MSRA: variants seen among roughly 807,000 people sequenced by gnomAD.
MSRA encodes the protein mitochondrial peptide methionine sulfoxide reductase.
A neutral mutation model predicts 31.3 loss-of-function variants in MSRA; 54 were observed. The observed-to-expected ratio is 1.73, with a 90% CI of 1.39 to 2.17. MSRA has a LOEUF of 2.17. Ranked by LOEUF, MSRA falls within the 30% of genes most tolerant of loss-of-function variation. MSRA has a pLI of 0.00. For synonymous variants in MSRA, 169 were observed against 116.5 expected (o/e 1.45, Z -2.90); for missense variants, 507 against 300.9 (o/e 1.69, Z -5.07).
At chr8:10,064,513 G>T (rs549759885) in intron 1 of MSRA, among the ~76,000 whole-genome samples, 23 of 152,242 alleles carry the variant, frequency 1.5e-4, no homozygotes, top group African/African-American at 4.1e-4. Flanking sequence ...TACAGCGAAG[G>T]CTAGTAATAA....
chr8:10,369,304 C>T (rs376008849), intron 5 of MSRA, among the ~76,000 whole-genome samples: 1 of 151,122 alleles, frequency 6.6e-6, no homozygotes, highest in Non-Finnish European at 1.5e-5. Flanking sequence ...AAGAAATAAT[C>T]TATTCATCCA....
rs534642712 is a variant in MSRA, at chr8:10,074,058, C to CTTTTTTTTTTTTT, written c.142+19428_142+19440dup. 1.2e-3 allele frequency among the ~76,000 whole-genome samples: 36 copies of CTTTTTTTTTTTTT among 29,452 alleles called. 9 individuals carry two copies. The highest frequency in any genetic ancestry group is 1.7e-3 in the East Asian group (1 of 588). The allele number at this position is 29,452 out of a possible 152,430, so 19.3% of individuals were successfully genotyped here. On this transcript the variant is annotated intron_variant, in intron 1 of 5. Transcript: ENST00000317173. ...CATTTTGTTTTGTCTAAGGGAGGTG[C>CTTTTTTTTTTTTT]TTTTTTTTTTTTTTTTTTTTTTTTT...
At chr8:10,201,328 A>T (rs759179941) in intron 1 of MSRA, among the ~76,000 whole-genome samples, 6 of 152,028 alleles carry the variant, frequency 3.9e-5, no homozygotes, top group Non-Finnish European at 8.8e-5. Context: ...GTACTTCTTG[A>T]TGACCGGCAG....
chr8:10,203,888 A>G (rs1030404269), intron 1 of MSRA, among the ~76,000 whole-genome samples: 1 of 152,232 alleles, frequency 6.6e-6, no homozygotes, highest in Non-Finnish European at 1.5e-5. Context: ...AGTGATATTA[A>G]TGATTCTGAT....
intron 1 of MSRA, among the ~76,000 whole-genome samples, chr8:10,055,072 A>C (rs547356217): frequency 6.6e-6 from 1 of 152,324 alleles, no homozygotes; most frequent in South Asian, 2.1e-4. Flanking sequence ...GGGCACCTGC[A>C]GCGGGGCTGG....
chr8:10,122,642 C>G (rs1460131052), intron 1 of MSRA, among the ~76,000 whole-genome samples: 2 of 151,884 alleles, frequency 1.3e-5, no homozygotes, highest in East Asian at 3.9e-4. Flanking sequence ...GGATACCAAG[C>G]CTAGCACCCC....
Position 10,428,457 on chromosome 8 carries a change from C to A in MSRA, c.*145C>A. ...CAGATTGGGTTTACCGAAGTATAAT[C>A]TATAGGAGGCGCGATGGCAAGTTGA... is the stretch of plus-strand genomic sequence containing the variant. On this transcript the variant is annotated 3_prime_UTR_variant, in exon 6 of 6. Coordinates refer to ENST00000317173, the MANE Select transcript of MSRA (RefSeq NM_012331.5). 7.1e-6 allele frequency: 6 copies of A among 842,936 alleles called. No homozygotes were observed. The highest frequency in any genetic ancestry group is 9.1e-6 in the Non-Finnish European group (5 of 546,696). 52.2% of individuals were successfully genotyped at this position (842,936 alleles called of 1,614,324 possible).
chr8:10,367,813 G>A (rs1404942694), intron 5 of MSRA, among the ~76,000 whole-genome samples: 1 of 152,186 alleles, frequency 6.6e-6, no homozygotes, highest in Non-Finnish European at 1.5e-5. Context: ...TCTGGAAGAG[G>A]GTAACTGGGA....
intron 1 of MSRA, among the ~76,000 whole-genome samples, chr8:10,171,009 G>C (rs575715935): frequency 6.2e-4 from 94 of 152,316 alleles, no homozygotes; most frequent in African/African-American, 2.2e-3. Flanking sequence ...CTTGATCCGA[G>C]GGGAAAGCAG....
intron 3 of MSRA, among the ~76,000 whole-genome samples, chr8:10,270,407 GAA>G (rs58968857): frequency 0.78 from 114,156 of 145,600 alleles, 44,776 homozygotes; most frequent in East Asian, 0.88. Context: ...GAAGCATACT[GAA>G]AAAAAAAAAA....
intron 3 of MSRA, among the ~76,000 whole-genome samples, chr8:10,253,389 C>T (rs983733527): frequency 2.6e-5 from 4 of 152,220 alleles, no homozygotes; most frequent in Admixed American, 2.6e-4. Context: ...GCTTAAATCA[C>T]TGCTGAGGAA....
chr8:10,399,357 TG>T, intron 5 of MSRA, among the ~76,000 whole-genome samples: 1 of 152,334 alleles, frequency 6.6e-6, no homozygotes, highest in Non-Finnish European at 1.5e-5. Flanking sequence ...CCTCCAGTGT[TG>T]GCGGTGGGCC....
At chr8:10,403,124 T>C (rs1223760683) in intron 5 of MSRA, among the ~76,000 whole-genome samples, 1 of 152,122 alleles carries the variant, frequency 6.6e-6, no homozygotes, top group African/African-American at 2.4e-5. Flanking sequence ...TCCCCACAAA[T>C]TATAAGCCAC....
At chr8:10,092,239 A>G (rs1291928469) in intron 1 of MSRA, among the ~76,000 whole-genome samples, 1 of 151,566 alleles carries the variant, frequency 6.6e-6, no homozygotes, top group Non-Finnish European at 1.5e-5. Flanking sequence ...TTTGGTCTGT[A>G]TTGAGTTCTA....
At chr8:10,343,481 C>G (rs892696791) in intron 5 of MSRA, among the ~76,000 whole-genome samples, 1 of 152,136 alleles carries the variant, frequency 6.6e-6, no homozygotes, top group Non-Finnish European at 1.5e-5. Context: ...ATATGGTTTT[C>G]TTTTTCTTGT....
chr8:10,219,563 A>G (rs1228252286), intron 2 of MSRA, among the ~76,000 whole-genome samples: 2 of 152,114 alleles, frequency 1.3e-5, no homozygotes, highest in East Asian at 1.9e-4. Flanking sequence ...TAATCCCAGC[A>G]CTTTGGGAGG....
intron 3 of MSRA, among the ~76,000 whole-genome samples, chr8:10,279,080 G>A (rs547651844): frequency 5.3e-5 from 8 of 152,262 alleles, no homozygotes; most frequent in African/African-American, 1.9e-4. Context: ...TTGTTTTCTT[G>A]TTGTTTCCTA....
chr8:10,407,780 A>AGT lies in MSRA; in HGVS notation c.544-20367_544-20366dup, dbSNP rs142827092. Among the ~76,000 whole-genome samples, 222 of 152,274 alleles carry AGT rather than the reference A, an allele frequency of 1.5e-3. 2 individuals carry two copies. The highest frequency in any genetic ancestry group is 5.2e-3 in the African/African-American group (215 of 41,554). ...TTGGTCTAAACACCCCAGCACCTGA[A>AGT]GTATAGGATAGCTTACATTTTAATC... On this transcript the variant is annotated intron_variant, in intron 5 of 5. Coordinates refer to ENST00000317173, the MANE Select transcript of MSRA (RefSeq NM_012331.5).
intron 1 of MSRA, among the ~76,000 whole-genome samples, chr8:10,193,245 A>G (rs1807674122): frequency 1.3e-5 from 2 of 152,176 alleles, no homozygotes; most frequent in Non-Finnish European, 2.9e-5. Context: ...GAATTAGCAC[A>G]TGAGAAACAT....
Sources: gnomAD v4.1 joint callset for allele counts (sites outside exome capture counted in the v4.1 genomes callset) on GRCh38, gnomAD v4.1.1 for gene constraint, MANE v1.5 for transcripts, NCBI Gene and HGNC (gene_info 2026-07-23, HGNC 2026-07-21) for gene names.